PARN: variants seen among roughly 807,000 people sequenced by gnomAD.
PARN encodes poly(A)-specific ribonuclease PARN.
Under a neutral mutation model 102.8 loss-of-function variants are expected in PARN, and 71 were observed. The observed-to-expected ratio is 0.69, with a 90% CI of 0.57 to 0.84. The LOEUF (loss-of-function observed/expected upper bound fraction) is 0.84. PARN is among the 40% of genes least tolerant of loss of function. The pLI, the probability that PARN is intolerant of heterozygous loss-of-function variation, is 0.00. For missense variants in PARN, 782 were observed against 760.9 expected (o/e 1.03, Z -0.33); for synonymous variants, 261 against 252.9 (o/e 1.03, Z -0.30).
intron 22 of PARN, among the ~76,000 whole-genome samples, chr16:14,473,557 G>C (rs1249001953): frequency 2.0e-5 from 3 of 152,132 alleles, no homozygotes; most frequent in Non-Finnish European, 4.4e-5. Flanking sequence ...GAGCAAACAA[G>C]AGCTAAACAA....
intron 21 of PARN, among the ~76,000 whole-genome samples, chr16:14,493,164 C>T (rs1964143523): frequency 6.6e-6 from 1 of 152,122 alleles, no homozygotes; most frequent in Non-Finnish European, 1.5e-5. Context: ...TTGATTTTCT[C>T]CCAACTCTCC....
intron 5 of PARN, among the ~76,000 whole-genome samples, chr16:14,624,613 G>A (rs1320386116): frequency 2.6e-5 from 4 of 152,170 alleles, no homozygotes; most frequent in Non-Finnish European, 5.9e-5. Context: ...GTTTTGTCTT[G>A]GTTGTTTAGA....
chr16:14,626,401 G>A (rs1214560694), intron 5 of PARN, among the ~76,000 whole-genome samples: 2 of 152,020 alleles, frequency 1.3e-5, no homozygotes, highest in South Asian at 2.1e-4. Context: ...CTCCCGTCTT[G>A]GCCTCCAAAA....
Position 14,627,195 on chromosome 16 carries a change from A to G in PARN, c.246-8T>C, listed in dbSNP as rs1302260953. 6.3e-7 allele frequency: 1 copy of G among 1,588,658 alleles called. No individual in the cohort carries two copies. Among genetic ancestry groups the G allele is most frequent in the Admixed American group, 1.7e-5 (1 of 58,668 alleles). The stretch of plus-strand genomic sequence containing the variant: ...AATGACTTCGTTATATACCTGGGAT[A>G]AGATAAAAGGAGACTTAGGAGGTGA... On this transcript the variant is annotated splice_polypyrimidine_tract_variant and splice_region_variant and intron_variant, in intron 4 of 23. Transcript: ENST00000437198.
rs368104369 is a variant in PARN, at chr16:14,452,859, G to A, written c.1671-5778C>T. 9.9e-5 allele frequency among the ~76,000 whole-genome samples: 15 copies of A among 152,100 alleles called. 2 individuals carry two copies. The highest frequency in any genetic ancestry group is 4.2e-4 in the South Asian group (2 of 4,806). The stretch of plus-strand genomic sequence containing the variant: ...ATTATATCCCATATAACTTAACTAC[G>A]GCAGTTTTAAATAAAAGTTTTAATT... On this transcript the variant is annotated intron_variant, in intron 22 of 23. Transcript: ENST00000437198.
At chr16:14,480,641 T>C (rs549436156) in intron 22 of PARN, among the ~76,000 whole-genome samples, 1 of 152,292 alleles carries the variant, frequency 6.6e-6, no homozygotes, top group African/African-American at 2.4e-5. Flanking sequence ...CTAAGATGAC[T>C]AAAGTTAAAA....
rs201362263 is a variant in PARN, at chr16:14,593,302, G to A, written c.917C>T (p.Ala306Val). ...AACACAGACCAACAGGTCACTTACCGCAGGCAGAGGGCAGTAGAACTGATG... is the reference window on the plus strand; with the variant it reads ...AACACAGACCAACAGGTCACTTACCACAGGCAGAGGGCAGTAGAACTGATG... ...TVHQFYCPLP[A>V]DLSEFKEMTT... Residue 306 changes from alanine (A) to valine (V), a missense_variant and splice_region_variant, in exon 13 of 24, where the codon GCG becomes GTG. Transcript: ENST00000437198. The A allele has an allele frequency of 2.1e-4, 325 of 1,543,808 alleles. No individual in the cohort carries two copies. Among genetic ancestry groups the A allele is most frequent in the Non-Finnish European group, 2.8e-4 (310 of 1,116,628 alleles).
intron 10 of PARN, among the ~76,000 whole-genome samples, chr16:14,605,324 A>G (rs1971116137): frequency 6.6e-6 from 1 of 152,186 alleles, no homozygotes; most frequent in African/African-American, 2.4e-5. Context: ...TTACAAACCA[A>G]ATTTTGTCTC....
chr16:14,547,105 A>G (rs1027559468), intron 21 of PARN, among the ~76,000 whole-genome samples: 82 of 151,296 alleles, frequency 5.4e-4, no homozygotes, highest in African/African-American at 1.2e-3. Flanking sequence ...AAAAAAAAAA[A>G]AGAAAAAAAA....
chr16:14,544,280 A>G (rs1288865307), intron 21 of PARN, among the ~76,000 whole-genome samples: 1 of 152,208 alleles, frequency 6.6e-6, no homozygotes, highest in Non-Finnish European at 1.5e-5. Context: ...AAATAGAAGG[A>G]AAAGACCAGT....
At chr16:14,596,553 T>C (rs779051699) in intron 12 of PARN, among the ~76,000 whole-genome samples, 3 of 151,440 alleles carry the variant, frequency 2.0e-5, no homozygotes, top group African/African-American at 4.9e-5. Context: ...CTGGACAACA[T>C]AGGAAGACCC....
chr16:14,466,220 A>T (rs1295406814), intron 22 of PARN, among the ~76,000 whole-genome samples: 1 of 152,210 alleles, frequency 6.6e-6, no homozygotes, highest in Non-Finnish European at 1.5e-5. Flanking sequence ...AAAGAATTGA[A>T]AGTGGTTGTC....
chr16:14,553,142 G>A (rs1967428069), intron 20 of PARN, among the ~76,000 whole-genome samples: 1 of 150,442 alleles, frequency 6.6e-6, no homozygotes, highest in African/African-American at 2.4e-5. Flanking sequence ...AATAGATCAG[G>A]CTCAGTGGCT....
At chr16:14,611,428 G>A (rs1390809402) in intron 6 of PARN, among the ~76,000 whole-genome samples, 2 of 152,192 alleles carry the variant, frequency 1.3e-5, no homozygotes, top group African/African-American at 4.8e-5. Flanking sequence ...TACCTTACCT[G>A]CATAATGTTT....
chr16:14,629,437 T>C (rs572434390), intron 2 of PARN, among the ~76,000 whole-genome samples, 160 bp downstream of exon 2: 3 of 152,306 alleles, frequency 2.0e-5, no homozygotes, highest in South Asian at 2.1e-4. Flanking sequence ...TTTCGTGCTT[T>C]TGAAACGTTT....
intron 7 of PARN, 146 bp downstream of exon 7, chr16:14,610,498 T>C: frequency 1.7e-5 from 8 of 477,640 alleles, no homozygotes; most frequent in South Asian, 5.6e-5. Flanking sequence ...AATTTTTTTT[T>C]TAATATGCCA....
At chr16:14,472,573 GT>G (rs926698440) in intron 22 of PARN, among the ~76,000 whole-genome samples, 1 of 152,192 alleles carries the variant, frequency 6.6e-6, no homozygotes, top group African/African-American at 2.4e-5. Context: ...GTGGTGGCGG[GT>G]TAGCAGGAAA....
chr16:14,521,538 C>T (rs564721843), intron 21 of PARN, among the ~76,000 whole-genome samples: 2 of 152,318 alleles, frequency 1.3e-5, no homozygotes, highest in South Asian at 2.1e-4. Context: ...GTGGCTCACG[C>T]CTGTAATCCC....
intron 6 of PARN, among the ~76,000 whole-genome samples, chr16:14,613,484 G>A (rs1452792005): frequency 3.3e-5 from 5 of 152,060 alleles, no homozygotes; most frequent in Admixed American, 6.5e-5. Flanking sequence ...TTTGCCACGC[G>A]TGGTGCCACG....
Sources: gnomAD v4.1 joint callset for allele counts (sites outside exome capture counted in the v4.1 genomes callset) on GRCh38, gnomAD v4.1.1 for gene constraint, MANE v1.5 for transcripts, NCBI Gene and HGNC (gene_info 2026-07-23, HGNC 2026-07-21) for gene names.